The following P3H2 variants were observed in gnomAD, a reference collection of about 807,000 sequenced individuals.
The protein encoded by P3H2 is leprecan-like 1.
P3H2 carries 80 observed loss-of-function variants against 87.0 expected under a neutral mutation model. The ratio of observed to expected loss-of-function variants is 0.92; its 90% CI spans 0.77 to 1.11. The LOEUF is 1.11. P3H2 is among the 50% of genes least tolerant of loss of function. The probability of loss-of-function intolerance (pLI) is 0.00; values close to 1 mark genes in which losing one functional copy is unlikely to be tolerated. For synonymous variants in P3H2, 367 were observed against 359.3 expected (o/e 1.02, Z -0.24); for missense variants, 1,001 against 923.9 (o/e 1.08, Z -1.08).
chr3:190,003,422 A>G (rs143090506), intron 1 of P3H2, among the ~76,000 whole-genome samples: 1 of 152,124 alleles, frequency 6.6e-6, no homozygotes, highest in Non-Finnish European at 1.5e-5. Context: ...GGAAAACATT[A>G]AAGTGAAGAC....
chr3:190,044,468 T>C (rs1725738511), intron 1 of P3H2, among the ~76,000 whole-genome samples: 1 of 152,232 alleles, frequency 6.6e-6, no homozygotes, highest in Admixed American at 6.5e-5. Context: ...AAAACAGTTC[T>C]GACATCTGCC....
chr3:190,105,157 C>T (rs946993149), intron 1 of P3H2, among the ~76,000 whole-genome samples: 7 of 152,168 alleles, frequency 4.6e-5, no homozygotes, highest in African/African-American at 1.7e-4. Flanking sequence ...GTGCTTGCAC[C>T]TTAAATACAA....
intron 1 of P3H2, among the ~76,000 whole-genome samples, chr3:190,027,238 G>A (rs1725111013): frequency 6.6e-6 from 1 of 152,138 alleles, no homozygotes; most frequent in African/African-American, 2.4e-5. Flanking sequence ...CTAAATCTCC[G>A]CCACTTAGCT....
intron 1 of P3H2, among the ~76,000 whole-genome samples, chr3:190,017,346 C>T (rs1724788422): frequency 6.6e-6 from 1 of 152,086 alleles, no homozygotes; most frequent in African/African-American, 2.4e-5. Context: ...AAAAATAATA[C>T]TGTTGCTTCC....
chr3:190,047,666 A>G (rs1018363829), intron 1 of P3H2, among the ~76,000 whole-genome samples: 2 of 152,222 alleles, frequency 1.3e-5, no homozygotes, highest in Non-Finnish European at 2.9e-5. Context: ...AAGGTAAATA[A>G]GCCAGGCTCA....
chr3:190,002,751 C>T (rs1365530492), intron 1 of P3H2, among the ~76,000 whole-genome samples: 1 of 152,162 alleles, frequency 6.6e-6, no homozygotes, highest in East Asian at 1.9e-4. Context: ...TCACTTTTTT[C>T]TTTGAGTGTT....
rs1352246248 is a variant in P3H2, at chr3:189,971,963, C to A, written c.1744G>T (p.Asp582Tyr). Residue 582 changes from aspartate to tyrosine, a missense_variant, in exon 12 of 15, where the codon GAC becomes TAC. Transcript: ENST00000319332. Reference sequence around the variant, plus strand: ...GCCTCTGGATCCAACAAACAGTTGTCAGCATGGATGGGATGACTGAGGTCA... The same window carrying A: ...GCCTCTGGATCCAACAAACAGTTGTAAGCATGGATGGGATGACTGAGGTCA... Reference protein sequence around the residue: ...RNDLSHPIHADNCLLDPEANE... With the variant: ...RNDLSHPIHAYNCLLDPEANE... 1 of 1,613,844 alleles carries A rather than the reference C, an allele frequency of 6.2e-7. No homozygotes were observed. The highest frequency in any genetic ancestry group is 8.5e-7 in the Non-Finnish European group (1 of 1,179,762).
At chr3:189,974,734 A>G in intron 8 of P3H2, 49 bp from the exon 9 acceptor site, 1 of 1,612,258 alleles carries the variant, frequency 6.2e-7, no homozygotes. Context: ...GTCCCCCGAA[A>G]GGAAGCACAG....
intron 10 of P3H2, among the ~76,000 whole-genome samples, chr3:189,973,494 T>C (rs1723239959): frequency 1.1e-5 from 1 of 95,178 alleles, no homozygotes; most frequent in Non-Finnish European, 2.1e-5. Flanking sequence ...AAAACTTTTT[T>C]CTTTCTTTCT....
chr3:190,091,641 A>G (rs1226082980), intron 1 of P3H2, among the ~76,000 whole-genome samples: 2 of 152,280 alleles, frequency 1.3e-5, no homozygotes, highest in African/African-American at 4.8e-5. Flanking sequence ...CTTAACAAAT[A>G]GAGTACCTGA....
At chr3:189,966,163 GAAAGAAAGAAAGAAAGAAA>G (rs1722997469) in intron 13 of P3H2, among the ~76,000 whole-genome samples, 1 of 146,822 alleles carries the variant, frequency 6.8e-6, no homozygotes, top group Non-Finnish European at 1.5e-5. Flanking sequence ...AAGAAAGAAA[GAAAGAAAGAAAGAAAGAAA>G]GAAAGAAAGA....
intron 14 of P3H2, chr3:189,963,479 C>T (rs958449630): frequency 3.5e-5 from 6 of 169,910 alleles, no homozygotes; most frequent in Admixed American, 2.7e-4. Context: ...GAGTCTTGCC[C>T]TGTTGCCCAG....
chr3:190,114,376 C>A (rs1268901959), intron 1 of P3H2, among the ~76,000 whole-genome samples: 1 of 151,534 alleles, frequency 6.6e-6, no homozygotes, highest in Admixed American at 6.6e-5. Flanking sequence ...TTAGTAGAGA[C>A]GGGGTTTCAC....
intron 10 of P3H2, among the ~76,000 whole-genome samples, chr3:189,973,507 CTTTCTTTTT>C (rs1194611763): frequency 1.6e-4 from 13 of 78,976 alleles, no homozygotes; most frequent in African/African-American, 4.7e-4. Context: ...TTCTTTCTTT[CTTTCTTTTT>C]TTTTTTTTTT....
intron 1 of P3H2, among the ~76,000 whole-genome samples, chr3:190,102,527 G>T (rs1376201416): frequency 6.6e-6 from 1 of 152,160 alleles, no homozygotes; most frequent in Admixed American, 6.6e-5. Flanking sequence ...ATAAAAAGTG[G>T]AGCCTGAGAT....
chr3:190,022,981 C>T (rs1051985844), intron 1 of P3H2, among the ~76,000 whole-genome samples: 9 of 152,194 alleles, frequency 5.9e-5, no homozygotes, highest in Admixed American at 5.2e-4. Context: ...CACCCACCAC[C>T]ACGCCTGGCT....
intron 1 of P3H2, among the ~76,000 whole-genome samples, chr3:190,083,765 C>A (rs925427101): frequency 9.2e-5 from 14 of 152,152 alleles, no homozygotes; most frequent in African/African-American, 3.4e-4. Flanking sequence ...CTCCCTTTTG[C>A]CAACTGGACC....
intron 1 of P3H2, among the ~76,000 whole-genome samples, chr3:190,099,143 A>G (rs962234856): frequency 6.6e-6 from 1 of 152,208 alleles, no homozygotes; most frequent in African/African-American, 2.4e-5. Context: ...CATTTTGTCA[A>G]GTTTCACTTC....
At chr3:190,044,724 T>C (rs922089944) in intron 1 of P3H2, among the ~76,000 whole-genome samples, 3 of 152,216 alleles carry the variant, frequency 2.0e-5, no homozygotes, top group Non-Finnish European at 4.4e-5. Context: ...AGTGATTGAT[T>C]GTACTTGGAA....
Sources: gnomAD v4.1 joint callset for allele counts (sites outside exome capture counted in the v4.1 genomes callset) on GRCh38, gnomAD v4.1.1 for gene constraint, MANE v1.5 for transcripts, NCBI Gene and HGNC (gene_info 2026-07-23, HGNC 2026-07-21) for gene names.